The following FARS2 variants were observed in gnomAD, a reference collection of about 807,000 sequenced individuals.
The protein encoded by FARS2 is phenylalanine--tRNA ligase, mitochondrial.
Under a neutral mutation model 46.4 loss-of-function variants are expected in FARS2, and 40 were observed. The ratio of observed to expected loss-of-function variants is 0.86; its 90% CI spans 0.67 to 1.12. FARS2 has a LOEUF of 1.12. Ranked by LOEUF, FARS2 falls within the 50% of genes most tolerant of loss-of-function variation. The pLI is 0.00. For synonymous variants in FARS2, 234 were observed against 214.9 expected (o/e 1.09, Z -0.78); for missense variants, 513 against 567.9 (o/e 0.90, Z 0.98).
chr6:5,432,351 T>TATATATAA (rs1491454941), intron 4 of FARS2, among the ~76,000 whole-genome samples: 1 of 42,316 alleles, frequency 2.4e-5, no homozygotes, highest in African/African-American at 7.1e-5. Flanking sequence ...TATATATATA[T>TATATATAA]TATATATATA....
chr6:5,686,691 G>C (rs935591751), intron 6 of FARS2, among the ~76,000 whole-genome samples: 1 of 152,204 alleles, frequency 6.6e-6, no homozygotes, highest in African/African-American at 2.4e-5. Flanking sequence ...ATAACAGCAT[G>C]TTTTATAATC....
intron 2 of FARS2, among the ~76,000 whole-genome samples, chr6:5,379,514 G>A (rs1456374155): frequency 6.6e-6 from 1 of 152,168 alleles, no homozygotes; most frequent in African/African-American, 2.4e-5. Context: ...TTAGGACTAA[G>A]ACGGGGACCC....
chr6:5,416,079 A>G lies in FARS2; in HGVS notation c.772+11378A>G, dbSNP rs905645630. Among the ~76,000 whole-genome samples the G allele has an allele frequency of 5.3e-5, 8 of 152,324 alleles. No homozygotes were observed. In the East Asian group the frequency reaches 5.8e-4, roughly 11 times the overall value. ...TCTTTTGTGGGATGTGGGATTTGCAATATTTTCACTCAGTCTTTTCATTAG... is the reference window on the plus strand; with the variant it reads ...TCTTTTGTGGGATGTGGGATTTGCAGTATTTTCACTCAGTCTTTTCATTAG... On this transcript the variant is annotated intron_variant, in intron 3 of 6. Coordinates refer to ENST00000274680, the MANE Select transcript of FARS2 (RefSeq NM_006567.5).
chr6:5,451,851 T>C (rs1764510560), intron 4 of FARS2: 1 of 152,248 alleles, frequency 6.6e-6, no homozygotes, highest in Non-Finnish European at 1.5e-5. Context: ...TCAGTTTAAA[T>C]GCTTTTATTC....
intron 1 of FARS2, among the ~76,000 whole-genome samples, chr6:5,296,814 C>T (rs556053400): frequency 4.3e-4 from 66 of 152,276 alleles, no homozygotes; most frequent in African/African-American, 1.5e-3. Context: ...TGTGTTTCTC[C>T]ATTCATTCAT....
intron 6 of FARS2, among the ~76,000 whole-genome samples, chr6:5,713,201 A>G (rs1391109764): frequency 6.6e-6 from 1 of 152,256 alleles, no homozygotes; most frequent in Non-Finnish European, 1.5e-5. Context: ...AAGGCAAGTT[A>G]TACACAGTGT....
At chr6:5,265,308 C>G (rs1489481776) in intron 1 of FARS2, among the ~76,000 whole-genome samples, 1 of 152,132 alleles carries the variant, frequency 6.6e-6, no homozygotes, top group Admixed American at 6.5e-5. Context: ...GGTGCTTGAT[C>G]TATTTAGAGA....
intron 5 of FARS2, among the ~76,000 whole-genome samples, chr6:5,570,906 T>C (rs1772605751): frequency 6.6e-6 from 1 of 152,252 alleles, no homozygotes; most frequent in African/African-American, 2.4e-5. Context: ...GAAGAATCAC[T>C]GAGCCACTTC....
At chr6:5,711,747 C>G (rs566998558) in intron 6 of FARS2, among the ~76,000 whole-genome samples, 41 of 152,340 alleles carry the variant, frequency 2.7e-4, no homozygotes, top group African/African-American at 9.6e-4. Context: ...GAGAAGGTGT[C>G]ACAGCCAAGA....
At chr6:5,281,643 C>T (rs111287774) in intron 1 of FARS2, among the ~76,000 whole-genome samples, 65 of 151,712 alleles carry the variant, frequency 4.3e-4, no homozygotes, top group African/African-American at 1.3e-3. Context: ...CCCCTGCCCC[C>T]GGTAACCACT....
intron 1 of FARS2, among the ~76,000 whole-genome samples, chr6:5,325,256 C>G (rs141835648): frequency 6.6e-6 from 1 of 152,302 alleles, no homozygotes; most frequent in South Asian, 2.1e-4. Flanking sequence ...TGCTGACATC[C>G]TGTGAGCCAG....
At chr6:5,568,757 A>G (rs1772462685) in intron 5 of FARS2, among the ~76,000 whole-genome samples, 1 of 152,172 alleles carries the variant, frequency 6.6e-6, no homozygotes, top group Non-Finnish European at 1.5e-5. Flanking sequence ...CAATTTTGTG[A>G]TCAGATTTCT....
At chr6:5,549,661 A>G (rs1236772923) in intron 5 of FARS2, among the ~76,000 whole-genome samples, 1 of 152,228 alleles carries the variant, frequency 6.6e-6, no homozygotes, top group East Asian at 1.9e-4. Context: ...TCTTAAAGTA[A>G]TCCTTTAATA....
intron 4 of FARS2, among the ~76,000 whole-genome samples, chr6:5,491,024 A>G (rs924576004): frequency 6.6e-6 from 1 of 152,222 alleles, no homozygotes; most frequent in Admixed American, 6.5e-5. Context: ...GTTTGGGGAT[A>G]ATTTGTTTAC....
At chr6:5,294,695 G>T (rs1767734883) in intron 1 of FARS2, among the ~76,000 whole-genome samples, 1 of 152,158 alleles carries the variant, frequency 6.6e-6, no homozygotes, top group African/African-American at 2.4e-5. Flanking sequence ...TTTTATAAAG[G>T]ATATTGCAAA....
At chr6:5,446,351 G>A (rs911616484) in intron 4 of FARS2, among the ~76,000 whole-genome samples, 3 of 152,078 alleles carry the variant, frequency 2.0e-5, no homozygotes, top group African/African-American at 7.2e-5. Flanking sequence ...GGGTTTGTGG[G>A]CTTCAAAGGC....
intron 4 of FARS2, among the ~76,000 whole-genome samples, chr6:5,454,911 G>A (rs185704436): frequency 1.3e-5 from 2 of 152,270 alleles, no homozygotes; most frequent in East Asian, 3.9e-4. Context: ...ACCCACTCCA[G>A]TAGCACCTGC....
chr6:5,571,519 C>G (rs1464207030), intron 5 of FARS2, among the ~76,000 whole-genome samples: 2 of 152,136 alleles, frequency 1.3e-5, no homozygotes, highest in African/African-American at 4.8e-5. Flanking sequence ...TTCAAGTTGG[C>G]CTTTCCAGAG....
intron 6 of FARS2, among the ~76,000 whole-genome samples, chr6:5,692,978 G>T (rs371608810): frequency 1.3e-5 from 2 of 152,158 alleles, no homozygotes; most frequent in South Asian, 2.1e-4. Context: ...ATAGATTCAG[G>T]TTAGTCAATA....
Sources: gnomAD v4.1 joint callset for allele counts (sites outside exome capture counted in the v4.1 genomes callset) on GRCh38, gnomAD v4.1.1 for gene constraint, MANE v1.5 for transcripts, NCBI Gene and HGNC (gene_info 2026-07-23, HGNC 2026-07-21) for gene names.